The following MYSM1 variants were observed in gnomAD, a reference collection of about 807,000 sequenced individuals.
MYSM1 encodes Myb like, SWIRM and MPN domains 1.
MYSM1 carries 51 observed loss-of-function variants against 116.0 expected under a neutral mutation model. That is an observed-to-expected ratio of 0.44 (90% CI 0.35 to 0.56). The LOEUF is 0.56. Among genes scored for constraint, MYSM1 ranks in the 20% least tolerant of loss-of-function variants. MYSM1 has a pLI of 0.00. For missense variants in MYSM1, 900 were observed against 974.9 expected, an observed-to-expected ratio of 0.92 and a Z score of 1.02; for synonymous variants, 313 against 315.2, an observed-to-expected ratio of 0.99 and a Z score of 0.07.
rs74500630 is a variant in MYSM1 at position 58,657,961 on chromosome 1, T to A, written c.*2036A>T. 6.6e-6 allele frequency: 1 copy of A among 152,154 alleles called. No homozygotes were observed. Among genetic ancestry groups the A allele is most frequent in the Non-Finnish European group, 1.5e-5 (1 of 68,026 alleles). The allele number at this position is 152,154 out of a possible 1,614,324, so 9.4% of individuals were successfully genotyped here. On this transcript the variant is annotated 3_prime_UTR_variant, in exon 20 of 20. Transcript: ENST00000472487. The stretch of plus-strand genomic sequence containing the variant: ...CATCAGTATTATAGGGAAATGTCAA[T>A]CAAGAAAGCTAGTATAAAACACTTT...
At chr1:58,674,842 G>C (rs1436499451) in intron 10 of MYSM1, among the ~76,000 whole-genome samples, 1 of 151,054 alleles carries the variant, frequency 6.6e-6, no homozygotes, top group Non-Finnish European at 1.5e-5. Context: ...CATGAGAATG[G>C]TGTGAACCCG....
rs372535103 is a variant in MYSM1, at chr1:58,661,163, A to G, written c.2328+7T>C. ...CAATGGAACCAATTAAAATGAAGAC[A>G]GCTTACTTTCTGCAAACAAGTCAGG... On this transcript the variant is annotated splice_region_variant and intron_variant, in intron 19 of 19. Coordinates refer to ENST00000472487, the MANE Select transcript of MYSM1 (RefSeq NM_001085487.3). 32 of 1,608,260 alleles carry G rather than the reference A, an allele frequency of 2.0e-5. No homozygotes were observed. The highest frequency in any genetic ancestry group is 2.7e-5 in the Non-Finnish European group (32 of 1,175,014).
rs982825825 is a variant in MYSM1, at chr1:58,686,715, CAAAT to C, written c.400-1468_400-1465del. Among the ~76,000 whole-genome samples the C allele has an allele frequency of 1.6e-4, 25 of 151,978 alleles. 1 individual carries two copies. On this transcript the variant is annotated intron_variant, in intron 6 of 19. Transcript: ENST00000472487. ...ACTTATCTTTATTGTGGGATGAAGA[CAAAT>C]AGATAACATTGGTAGGTAGCATGGA...
intron 1 of MYSM1, 115 bp downstream of exon 1, chr1:58,699,870 C>A (rs1645037015): frequency 6.6e-7 from 1 of 1,513,936 alleles, no homozygotes; most frequent in East Asian, 2.5e-5. Flanking sequence ...AGACCCTGGC[C>A]CAGGGGACAG....
Position 58,682,452 on chromosome 1 carries a change from G to T in MYSM1, c.592C>A (p.Pro198Thr). ...TCAGCACGTCCCCTTAAACATGATG[G>T]TGTCCATGCCTTTGTCCCTTTATCT... Reference protein sequence around the residue: ...NEDKGTKAWTPSCLRGRADPN... With the variant: ...NEDKGTKAWTTSCLRGRADPN... The change falls in exon 8 of 20, where the codon CCA becomes ACA. Residue 198 changes from proline (P) to threonine (T), a missense_variant. Around this residue, in one of 3 missense-constraint regions of MYSM1, gnomAD observed 622 missense variants for 623.7 expected, o/e 1.00. Transcript: ENST00000472487. 6.2e-7 allele frequency: 1 copy of T among 1,614,072 alleles called. No homozygotes were observed. The highest frequency in any genetic ancestry group is 8.5e-7 in the Non-Finnish European group (1 of 1,180,016).
At chr1:58,690,473 ATTAC>A in intron 3 of MYSM1, 56 bp from the exon 4 acceptor site, 1 of 1,229,814 alleles carries the variant, frequency 8.1e-7, no homozygotes, top group South Asian at 1.4e-5. Context: ...TAATTTTTAC[ATTAC>A]TTATACAAAA....
In MYSM1 at chr1:58,686,468, G is replaced by T. The variant is rs1644829387; in HGVS notation, c.400-1217C>A. ...CCACAACTTAGGAAAAGTTTTGTCAGATTTACAGGCCAGGCAGTCATGCCT... is the reference window on the plus strand; with the variant it reads ...CCACAACTTAGGAAAAGTTTTGTCATATTTACAGGCCAGGCAGTCATGCCT... On this transcript the variant is annotated intron_variant, in intron 6 of 19. Transcript: ENST00000472487. Among the ~76,000 whole-genome samples, 5 of 152,296 alleles carry T rather than the reference G, an allele frequency of 3.3e-5. No homozygotes were observed. The South Asian group carries it at 1.0e-3, about 32-fold the overall frequency.
chr1:58,669,155 A>C (rs1307872804), intron 12 of MYSM1, 117 bp from the exon 13 acceptor site: 3 of 682,972 alleles, frequency 4.4e-6, no homozygotes, highest in African/African-American at 1.9e-5. Flanking sequence ...TAAATGAGAG[A>C]GTTTTGTAGG....
intron 17 of MYSM1, among the ~76,000 whole-genome samples, chr1:58,663,837 T>C (rs993401568): frequency 6.6e-6 from 1 of 152,208 alleles, no homozygotes; most frequent in Non-Finnish European, 1.5e-5. Flanking sequence ...ATCACCTTAA[T>C]TGAGTCGGCC....
chr1:58,686,439 C>T (rs1569783513), intron 6 of MYSM1, among the ~76,000 whole-genome samples: 1 of 152,122 alleles, frequency 6.6e-6, no homozygotes, highest in Non-Finnish European at 1.5e-5. Context: ...AAACAAAAAA[C>T]TAGCCACAAC....
In MYSM1 at chr1:58,700,053, G is replaced by T. The variant is rs200332579; in HGVS notation, c.-1C>A. On this transcript the variant is annotated 5_prime_UTR_variant, in exon 1 of 20. Transcript: ENST00000472487. ...CCACATCCGCCTCTTCAGCCGCCAT[G>T]ATGGGACCTGACCCCGTCCGTCCTC... 7.6e-5 allele frequency: 122 copies of T among 1,613,632 alleles called. 1 individual carries two copies. In the Middle Eastern group the frequency reaches 4.3e-3, roughly 57 times the overall value.
At chr1:58,661,052 A>G (rs1644383273) in intron 19 of MYSM1, 118 bp downstream of exon 19, 2 of 740,814 alleles carry the variant, frequency 2.7e-6, no homozygotes, top group African/African-American at 1.8e-5. Flanking sequence ...GGAAAAAGTA[A>G]TAAAAGAAAT....
chr1:58,659,785 G>A lies in MYSM1; in HGVS notation c.*212C>T. The A allele has an allele frequency of 7.9e-6, 3 of 381,506 alleles. No homozygotes were observed. The highest frequency in any genetic ancestry group is 4.4e-5 in the Admixed American group (1 of 22,538). 23.6% of individuals were successfully genotyped at this position (381,506 alleles called of 1,614,324 possible). On this transcript the variant is annotated 3_prime_UTR_variant, in exon 20 of 20. Coordinates refer to ENST00000472487, the MANE Select transcript of MYSM1 (RefSeq NM_001085487.3). ...AGTAAAGGACTAGAACACCGTGGTG[G>A]ACCCTGGTTTGCAGAACACTCTGAT...
At position 58,669,023 on chromosome 1, in the gene MYSM1, G is replaced by A. The variant is rs757891623; in HGVS notation, c.1677C>T (p.Phe559=). ...PRPTKSSFDP[F]QLIPCNFFSE... ...TAAAAAAATTACAAGGTATCAGTTG[G>A]AAGGGATCAAACGAGCTGAAAAAGA... Residue 559 remains phenylalanine (F), a synonymous_variant, in exon 13 of 20, where the codon TTC becomes TTT. Coordinates refer to ENST00000472487, the MANE Select transcript of MYSM1 (RefSeq NM_001085487.3). 1.8e-5 allele frequency: 28 copies of A among 1,598,824 alleles called. No individual in the cohort carries two copies. The highest frequency in any genetic ancestry group is 2.2e-5 in the Non-Finnish European group (26 of 1,174,960).
At chr1:58,695,976 A>G (rs1644968266) in intron 1 of MYSM1, among the ~76,000 whole-genome samples, 1 of 152,196 alleles carries the variant, frequency 6.6e-6, no homozygotes, top group Non-Finnish European at 1.5e-5. Flanking sequence ...GACCTTGTCT[A>G]GTGATAAGAA....
At chr1:58,674,743 G>A (rs1299932176) in intron 10 of MYSM1, among the ~76,000 whole-genome samples, 1 of 151,862 alleles carries the variant, frequency 6.6e-6, no homozygotes, top group Non-Finnish European at 1.5e-5. Context: ...GGCTAACAAG[G>A]TGAAACCCTG....
intron 8 of MYSM1, among the ~76,000 whole-genome samples, chr1:58,679,489 T>C (rs890464957): frequency 1.3e-5 from 2 of 152,166 alleles, no homozygotes; most frequent in Admixed American, 1.3e-4. Context: ...GACAGGATCT[T>C]GCTCTGTTGC....
intron 3 of MYSM1, chr1:58,692,391 A>T (rs1644916650): frequency 1.3e-5 from 2 of 152,388 alleles, no homozygotes; most frequent in African/African-American, 4.8e-5. Flanking sequence ...CCACAAATGT[A>T]GGGAAAACAT....
At chr1:58,685,325 TAA>T (rs5774421) in intron 6 of MYSM1, 74 bp from the exon 7 acceptor site, 4,641 of 627,856 alleles carry the variant, frequency 7.4e-3, no homozygotes, top group South Asian at 0.011. Context: ...ACTACCACAT[TAA>T]AAAAAAAAAA....
Sources: gnomAD v4.1 joint callset for allele counts (sites outside exome capture counted in the v4.1 genomes callset) on GRCh38, gnomAD v4.1.1 for gene constraint, gnomAD v4.1.1 regional missense constraint, MANE v1.5 for transcripts, NCBI Gene and HGNC (gene_info 2026-07-23, HGNC 2026-07-21) for gene names.